The following NSD1 variants were observed in gnomAD, a reference collection of about 807,000 sequenced individuals.
NSD1 encodes nuclear receptor binding SET domain protein 1.
NSD1 carries 26 observed loss-of-function variants against 242.7 expected under a neutral mutation model. The observed-to-expected ratio is 0.11, with a 90% confidence interval of 0.08 to 0.15. The LOEUF (loss-of-function observed/expected upper bound fraction) is 0.15, where lower values mean the gene tolerates loss of function less well. NSD1 is among the 10% of genes least tolerant of loss of function. The pLI is 1.00. For synonymous variants in NSD1, 1,106 were observed against 1,178.1 expected (o/e 0.94, Z 1.25); for missense variants, 2,495 against 3,272.8 (o/e 0.76, Z 5.80).
intron 2 of NSD1, among the ~76,000 whole-genome samples, chr5:177,173,466 C>CCTTT (rs1759897447): frequency 1.6e-5 from 1 of 62,172 alleles, no homozygotes; most frequent in Admixed American, 2.3e-4. Flanking sequence ...TACTATCTGG[C>CCTTT]TTTTTTTTTT....
chr5:177,214,517 A>G (rs138138489), intron 5 of NSD1, among the ~76,000 whole-genome samples: 58 of 152,268 alleles, frequency 3.8e-4, no homozygotes, highest in Middle Eastern at 3.4e-3. Flanking sequence ...GACAACTAAC[A>G]TTCTTTCTGC....
At chr5:177,239,297 TTA>T (rs1765678930) in intron 7 of NSD1, among the ~76,000 whole-genome samples, 1 of 152,244 alleles carries the variant, frequency 6.6e-6, no homozygotes, top group Non-Finnish European at 1.5e-5. Context: ...CAAAACTCTA[TTA>T]AGTCAGCTCT....
At chr5:177,255,023 G>A (rs1353255937) in intron 12 of NSD1, among the ~76,000 whole-genome samples, 1 of 152,084 alleles carries the variant, frequency 6.6e-6, no homozygotes, top group African/African-American at 2.4e-5. Flanking sequence ...AGATTGCTTA[G>A]GTTTAATAAT....
intron 20 of NSD1, among the ~76,000 whole-genome samples, chr5:177,285,605 C>T (rs984266915): frequency 4.2e-5 from 6 of 143,714 alleles, no homozygotes; most frequent in Non-Finnish European, 9.1e-5. Flanking sequence ...AAACGTTGTA[C>T]ATTTTGAAAT....
chr5:177,216,734 C>A (rs1185923825), intron 5 of NSD1, among the ~76,000 whole-genome samples: 1 of 146,348 alleles, frequency 6.8e-6, no homozygotes, highest in East Asian at 2.0e-4. Flanking sequence ...GTTGCCCAGG[C>A]TGTTCTTGAA....
At chr5:177,224,901 G>A (rs767517644) in intron 5 of NSD1, among the ~76,000 whole-genome samples, 5 of 151,438 alleles carry the variant, frequency 3.3e-5, no homozygotes, top group African/African-American at 4.9e-5. Context: ...TGTGTCTATT[G>A]AGAAGACAAT....
At chr5:177,142,531 A>G (rs1756911403) in intron 2 of NSD1, among the ~76,000 whole-genome samples, 1 of 152,154 alleles carries the variant, frequency 6.6e-6, no homozygotes, top group Admixed American at 6.6e-5. Flanking sequence ...GTAAGAGGGA[A>G]TAGCATATGC....
In NSD1 at chr5:177,269,725, G is replaced by A. The variant is rs1278387729; in HGVS notation, c.5427G>A (p.Gln1809=). The change falls in exon 16 of 23, where the codon CAG becomes CAA. Residue 1809 remains glutamine (Q), a synonymous_variant. Transcript: ENST00000439151. This position sits in a 1 kb window ranked among gnomAD's most constrained non-coding sequence, Gnocchi z 5.1. ...FGSNDYLWTH[Q]ARVFPYMEGD... ...CTAATGACTATTTGTGGACTCACCA[G>A]GCCCGAGTCTTCCCTTACATGGAGG... 1.9e-6 allele frequency: 3 copies of A among 1,613,970 alleles called. No individual in the cohort carries two copies. The highest frequency in any genetic ancestry group is 2.5e-6 in the Non-Finnish European group (3 of 1,180,028).
At chr5:177,138,918 T>C (rs1030071571) in intron 2 of NSD1, among the ~76,000 whole-genome samples, 4 of 145,198 alleles carry the variant, frequency 2.8e-5, no homozygotes, top group Admixed American at 2.1e-4. Context: ...GGATTACAGG[T>C]GTGAGCCACG....
Position 177,291,949 on chromosome 5 carries a change from T to C in NSD1, c.6259-5T>C. 1 of 1,613,100 alleles carries C rather than the reference T, an allele frequency of 6.2e-7. No individual in the cohort carries two copies. The highest frequency in any genetic ancestry group is 1.1e-5 in the South Asian group (1 of 90,896). On this transcript the variant is annotated splice_polypyrimidine_tract_variant and splice_region_variant and intron_variant, in intron 21 of 22. Transcript: ENST00000439151. ...AATGCTGACTGTTCAATATCTGACCTGTAGAATCAACCCATTGCCACGGAA... is the reference window on the plus strand; with the variant it reads ...AATGCTGACTGTTCAATATCTGACCCGTAGAATCAACCCATTGCCACGGAA...
chr5:177,256,814 T>C (rs986949400), intron 12 of NSD1, 137 bp from the exon 13 acceptor site: 9 of 714,904 alleles, frequency 1.3e-5, no homozygotes, highest in Non-Finnish European at 2.0e-5. Flanking sequence ...ATAATAATAC[T>C]AAGATTGTTA....
intron 2 of NSD1, among the ~76,000 whole-genome samples, chr5:177,177,269 C>T (rs1297056783): frequency 6.6e-6 from 1 of 152,094 alleles, no homozygotes; most frequent in South Asian, 2.1e-4. Flanking sequence ...AATCCCAGCA[C>T]TTTGGGAGGC....
At chr5:177,197,216 G>C (rs1762167112) in intron 3 of NSD1, among the ~76,000 whole-genome samples, 1 of 151,506 alleles carries the variant, frequency 6.6e-6, no homozygotes, top group South Asian at 2.1e-4. Context: ...GTTGCAATGA[G>C]CCGAGATCAT....
chr5:177,188,082 A>G (rs78161830), intron 2 of NSD1, among the ~76,000 whole-genome samples: 1,830 of 152,208 alleles, frequency 0.012, 19 homozygotes, highest in Non-Finnish European at 0.019. Context: ...TCTTTTCCCA[A>G]GTGTCTTGGG....
In NSD1 at chr5:177,152,476, C is replaced by CTT. The variant is rs35553344; in HGVS notation, c.927+16466_927+16467dup. ...TTCTGCCTCCTGGGTTCAAGCGATTCTTTTTTTTTTTTTTTTTTTTTGAGA... is the reference window on the plus strand; with the variant it reads ...TTCTGCCTCCTGGGTTCAAGCGATTCTTTTTTTTTTTTTTTTTTTTTTTGAGA... On this transcript the variant is annotated intron_variant, in intron 2 of 22. Transcript: ENST00000439151. 3.5e-3 allele frequency among the ~76,000 whole-genome samples: 386 copies of CTT among 110,466 alleles called. 3 individuals are homozygous for CTT. The highest frequency in any genetic ancestry group is 4.1e-3 in the Non-Finnish European group (233 of 56,592). 72.5% of individuals were successfully genotyped at this position (110,466 alleles called of 152,430 possible). A position where few individuals can be genotyped will look rare whatever the true frequency, so the allele number is the denominator to read the frequency against.
chr5:177,180,969 C>T (rs1008910413), intron 2 of NSD1, among the ~76,000 whole-genome samples: 34 of 152,226 alleles, frequency 2.2e-4, no homozygotes, highest in African/African-American at 7.7e-4. Flanking sequence ...GCGTGAGCCA[C>T]CGTGCCCGGC....
intron 5 of NSD1, among the ~76,000 whole-genome samples, chr5:177,222,778 ATTC>A (rs543195247): frequency 1.1e-3 from 165 of 152,082 alleles, no homozygotes; most frequent in African/African-American, 3.9e-3. Context: ...ATTTTCTCCT[ATTC>A]TTTGGGTTTA....
intron 2 of NSD1, among the ~76,000 whole-genome samples, chr5:177,138,756 C>T (rs1471563941): frequency 1.3e-5 from 2 of 151,828 alleles, no homozygotes; most frequent in South Asian, 4.2e-4. Flanking sequence ...TCTCCTGCCT[C>T]AGCCTTCTGA....
intron 5 of NSD1, among the ~76,000 whole-genome samples, chr5:177,227,546 A>G (rs958543565): frequency 6.6e-6 from 1 of 152,028 alleles, no homozygotes; most frequent in African/African-American, 2.4e-5. Context: ...TCCCGGGTTC[A>G]AGCAATTCTC....
Sources: allele counts gnomAD v4.1 joint callset (sites outside exome capture counted in the v4.1 genomes callset), GRCh38; gene constraint gnomAD v4.1.1; non-coding constraint Gnocchi (gnomAD v3.1); transcripts MANE v1.5; gene names NCBI Gene and HGNC (gene_info 2026-07-23, HGNC 2026-07-21).